The following IL7 variants were observed in gnomAD, a reference collection of about 807,000 sequenced individuals.
IL7 encodes the protein interleukin-7.
In IL7, 3 loss-of-function variants were observed where a neutral mutation model predicts 21.6. The ratio of observed to expected loss-of-function variants is 0.14; its 90% CI spans 0.06 to 0.36. The LOEUF is 0.36. IL7 is among the 10% of genes least tolerant of loss of function. The probability of loss-of-function intolerance (pLI) is 1.00; values close to 1 mark genes in which losing one functional copy is unlikely to be tolerated. For synonymous variants in IL7, 62 were observed against 68.1 expected, an observed-to-expected ratio of 0.91 and a Z score of 0.44; for missense variants, 175 against 200.2, an observed-to-expected ratio of 0.87 and a Z score of 0.76.
intron 2 of IL7, among the ~76,000 whole-genome samples, chr8:78,758,441 C>T (rs182591843): frequency 1.5e-3 from 227 of 151,990 alleles, no homozygotes; most frequent in African/African-American, 5.3e-3. Context: ...CTGCTCTACC[C>T]GTGAGTTTAA....
intron 2 of IL7, chr8:78,760,983 T>G (rs1334494431): frequency 1.3e-6 from 2 of 1,592,810 alleles, no homozygotes; most frequent in Admixed American, 1.8e-5. Flanking sequence ...ACAACAATAG[T>G]AACAATGAAA....
intron 4 of IL7, 111 bp downstream of exon 4, chr8:78,738,393 A>G: frequency 1.1e-6 from 1 of 907,258 alleles, no homozygotes; most frequent in East Asian, 2.7e-5. Context: ...ACTTTAGATG[A>G]TAATAAACAC....
chr8:78,714,812 CT>C (rs1311803167), downstream of IL7, among the ~76,000 whole-genome samples: 1 of 151,708 alleles, frequency 6.6e-6, no homozygotes, highest in Non-Finnish European at 1.5e-5. Context: ...CAAAAAAATT[CT>C]TTTTTTAACT....
At chr8:78,700,851 C>G (rs1267269478) in intron 3 of IL7, among the ~76,000 whole-genome samples, 1 of 151,948 alleles carries the variant, frequency 6.6e-6, no homozygotes. Context: ...CTATTCTGTT[C>G]CACTGGTCCA....
At chr8:78,740,768 A>G (rs766485498) in intron 2 of IL7, among the ~76,000 whole-genome samples, 21 of 152,184 alleles carry the variant, frequency 1.4e-4, no homozygotes, top group Non-Finnish European at 2.6e-4. Flanking sequence ...TAGCAATCCA[A>G]TTTTCTGGGA....
intron 4 of IL7, among the ~76,000 whole-genome samples, chr8:78,682,578 G>C (rs1409015957): frequency 6.6e-6 from 1 of 152,096 alleles, no homozygotes; most frequent in African/African-American, 2.4e-5. Flanking sequence ...CTCCCAATGG[G>C]TTCCTCCCAC....
chr8:78,761,028 C>T, intron 2 of IL7: 1 of 1,612,358 alleles, frequency 6.2e-7, no homozygotes. Flanking sequence ...AGTACAAATG[C>T]TCGGCCAGCT....
chr8:78,780,374 A>C (rs1320655394), intron 2 of IL7, among the ~76,000 whole-genome samples: 1 of 152,124 alleles, frequency 6.6e-6, no homozygotes, highest in Non-Finnish European at 1.5e-5. Context: ...ATTTAGTTTT[A>C]TAAATTTCTC....
At chr8:78,754,688 G>A (rs1402155697) in intron 2 of IL7, among the ~76,000 whole-genome samples, 1 of 152,010 alleles carries the variant, frequency 6.6e-6, no homozygotes, top group Admixed American at 6.6e-5. Context: ...TTGTTGTTTT[G>A]TTTTGCTGTT....
chr8:78,745,005 G>A (rs1033672491), intron 2 of IL7, among the ~76,000 whole-genome samples: 16 of 152,294 alleles, frequency 1.1e-4, no homozygotes, highest in Admixed American at 9.8e-4. Context: ...ATTAGTCCCA[G>A]TGCGAGTACT....
At chr8:78,740,797 C>T (rs567744999) in intron 2 of IL7, among the ~76,000 whole-genome samples, 1 of 152,134 alleles carries the variant, frequency 6.6e-6, no homozygotes, top group South Asian at 2.1e-4. Context: ...GTAGAATTTT[C>T]CTGAGACAGT....
chr8:78,757,235 T>C lies in IL7; in HGVS notation c.148-17153A>G, dbSNP rs181393879. On this transcript the variant is annotated intron_variant, in intron 2 of 5. Coordinates refer to ENST00000263851, the MANE Select transcript of IL7 (RefSeq NM_000880.4). Reference sequence around the variant, plus strand: ...TTATTGATCTATAGTTTTATTCCATTGTACTCTGGGAAGGTACTCAACATG... The same window carrying C: ...TTATTGATCTATAGTTTTATTCCATCGTACTCTGGGAAGGTACTCAACATG... Among the ~76,000 whole-genome samples the C allele has an allele frequency of 8.5e-5, 13 of 152,150 alleles. No homozygotes were observed. In the East Asian group the frequency reaches 2.5e-3, roughly 29 times the overall value.
chr8:78,686,919 T>C (rs1809997828), intron 3 of IL7, among the ~76,000 whole-genome samples: 1 of 152,180 alleles, frequency 6.6e-6, no homozygotes, highest in Non-Finnish European at 1.5e-5. Context: ...CCATGCTCAC[T>C]GCGGATTGAA....
intron 4 of IL7, among the ~76,000 whole-genome samples, chr8:78,681,392 G>A (rs977517816): frequency 4.6e-5 from 7 of 152,200 alleles, no homozygotes; most frequent in African/African-American, 1.7e-4. Context: ...AATAATCACA[G>A]AGCAGATGAA....
intron 4 of IL7, chr8:78,676,125 TAA>T (rs145824687): frequency 3.2e-4 from 63 of 195,226 alleles, no homozygotes; most frequent in Non-Finnish European, 4.1e-4. Flanking sequence ...ACAAACAAAA[TAA>T]AAAAAAAAAA....
intron 2 of IL7, among the ~76,000 whole-genome samples, chr8:78,787,782 G>T (rs1342290450): frequency 1.3e-5 from 2 of 152,090 alleles, no homozygotes; most frequent in African/African-American, 4.8e-5. Context: ...TTTTTTTCAG[G>T]ATGTTGTCCA....
At chr8:78,678,759 G>A in intron 4 of IL7, 2 of 917,740 alleles carry the variant, frequency 2.2e-6, no homozygotes, top group South Asian at 2.3e-5. Flanking sequence ...TTACAGTAAG[G>A]TTAAGAATAA....
downstream of IL7, among the ~76,000 whole-genome samples, chr8:78,731,912 C>A (rs1811431009): frequency 6.6e-6 from 1 of 151,998 alleles, no homozygotes; most frequent in Non-Finnish European, 1.5e-5. Context: ...AAAATATTGA[C>A]CCTTATTTTA....
intron 3 of IL7, among the ~76,000 whole-genome samples, chr8:78,725,294 T>C (rs897716275): frequency 7.2e-5 from 11 of 151,814 alleles, no homozygotes; most frequent in African/African-American, 2.7e-4. Context: ...TGGCAGAGCA[T>C]CAAGAAGTGA....
Sources: gnomAD v4.1 joint callset for allele counts (sites outside exome capture counted in the v4.1 genomes callset) on GRCh38, gnomAD v4.1.1 for gene constraint, MANE v1.5 for transcripts, NCBI Gene and HGNC (gene_info 2026-07-23, HGNC 2026-07-21) for gene names.